EDIL3: variants seen among roughly 807,000 people sequenced by gnomAD.
EDIL3 encodes EGF like and discoidin domains 3, also known as EGF-like repeat and discoidin I-like domain-containing protein 3.
EDIL3 carries 37 observed loss-of-function variants against 67.4 expected under a neutral mutation model. That is an observed-to-expected ratio of 0.55 (90% CI 0.42 to 0.72). The LOEUF is 0.72. Among genes scored for constraint, EDIL3 ranks in the 30% least tolerant of loss-of-function variants. EDIL3 has a pLI of 0.00. For synonymous variants in EDIL3, 195 were observed against 196.3 expected (o/e 0.99, Z 0.05); for missense variants, 527 against 586.3 (o/e 0.90, Z 1.04).
intron 6 of EDIL3, among the ~76,000 whole-genome samples, chr5:84,092,595 T>C (rs2112269116): frequency 6.6e-6 from 1 of 152,280 alleles, no homozygotes; most frequent in East Asian, 1.9e-4. Context: ...TTTACAAGGG[T>C]AAATATTACA....
chr5:83,995,655 A>G (rs1295601976), intron 9 of EDIL3, among the ~76,000 whole-genome samples: 1 of 152,214 alleles, frequency 6.6e-6, no homozygotes, highest in African/African-American at 2.4e-5. Context: ...AGTCATTTTA[A>G]TGGTCAGTGA....
intron 1 of EDIL3, among the ~76,000 whole-genome samples, chr5:84,357,285 C>T (rs1381295598): frequency 6.6e-6 from 1 of 152,012 alleles, no homozygotes; most frequent in Non-Finnish European, 1.5e-5. Flanking sequence ...ATTTCCATTT[C>T]CTTAATTTGT....
intron 5 of EDIL3, among the ~76,000 whole-genome samples, chr5:84,109,512 C>A (rs1747521909): frequency 6.6e-6 from 1 of 151,902 alleles, no homozygotes; most frequent in South Asian, 2.1e-4. Flanking sequence ...TCTCAAAAAA[C>A]AAAACAAAAC....
At chr5:84,204,685 C>T (rs1338354496) in intron 3 of EDIL3, among the ~76,000 whole-genome samples, 1 of 151,646 alleles carries the variant, frequency 6.6e-6, no homozygotes, top group African/African-American at 2.4e-5. Context: ...TGTCAGTATC[C>T]TTCAAAGTCT....
At chr5:84,161,660 G>A (rs1294297478) in intron 4 of EDIL3, among the ~76,000 whole-genome samples, 4 of 151,962 alleles carry the variant, frequency 2.6e-5, no homozygotes, top group African/African-American at 7.3e-5. Flanking sequence ...ACTAAAATAA[G>A]TCTAGTTTTG....
chr5:84,120,780 T>C (rs1473805780), intron 5 of EDIL3, among the ~76,000 whole-genome samples: 1 of 152,002 alleles, frequency 6.6e-6, no homozygotes, highest in Non-Finnish European at 1.5e-5. Context: ...CAGGTCTCTT[T>C]TTCATGAAGA....
Position 84,254,744 on chromosome 5 carries a change from G to A in EDIL3, c.68-532C>T, listed in dbSNP as rs78279565. 4.5e-3 allele frequency among the ~76,000 whole-genome samples: 690 copies of A among 152,268 alleles called. 4 individuals carry two copies. Among genetic ancestry groups the A allele is most frequent in the African/African-American group, 0.015 (638 of 41,560 alleles). On this transcript the variant is annotated intron_variant, in intron 1 of 10. Transcript: ENST00000296591. ...CTTCCTCTCTTGGAGTGCTGAGATC[G>A]TCATGTGAATGAATTCAGGCTAGCT...
At chr5:84,051,903 G>A (rs1171911382) in intron 9 of EDIL3, among the ~76,000 whole-genome samples, 1 of 152,194 alleles carries the variant, frequency 6.6e-6, no homozygotes, top group African/African-American at 2.4e-5. Flanking sequence ...TCATCCAGGA[G>A]AACTTCCCCA....
chr5:84,038,727 T>C (rs193276609), intron 9 of EDIL3, among the ~76,000 whole-genome samples: 4 of 152,168 alleles, frequency 2.6e-5, no homozygotes, highest in Admixed American at 2.6e-4. Flanking sequence ...GGTCTAGGTG[T>C]TTTTTGGAAT....
chr5:83,968,118 T>C (rs1469415033), intron 9 of EDIL3, among the ~76,000 whole-genome samples: 1 of 152,118 alleles, frequency 6.6e-6, no homozygotes, highest in African/African-American at 2.4e-5. Flanking sequence ...CCCAGTTATA[T>C]TTAAGGCACA....
At chr5:84,262,511 C>T (rs564479269) in intron 1 of EDIL3, among the ~76,000 whole-genome samples, 1 of 152,042 alleles carries the variant, frequency 6.6e-6, no homozygotes, top group South Asian at 2.1e-4. Flanking sequence ...TAAATAAGGG[C>T]ACTCACTATG....
chr5:84,199,083 G>C (rs1213238928), intron 3 of EDIL3, among the ~76,000 whole-genome samples: 1 of 151,998 alleles, frequency 6.6e-6, no homozygotes, highest in Non-Finnish European at 1.5e-5. Flanking sequence ...TTTGAAAACA[G>C]TATGAGCCCT....
At chr5:84,313,539 C>T (rs764369010) in intron 1 of EDIL3, among the ~76,000 whole-genome samples, 7 of 152,166 alleles carry the variant, frequency 4.6e-5, no homozygotes, top group African/African-American at 7.2e-5. Flanking sequence ...ATTAAGTCTT[C>T]CTGATATTCC....
chr5:84,262,661 T>TTTTTTG (rs1745253642), intron 1 of EDIL3, among the ~76,000 whole-genome samples: 1 of 40,658 alleles, frequency 2.5e-5, no homozygotes, highest in South Asian at 1.0e-3. Flanking sequence ...GTTGGTTGGT[T>TTTTTTG]TTTTTTTTTT....
At chr5:84,229,943 G>C in intron 2 of EDIL3, 59 bp from the exon 3 acceptor site, 1 of 1,409,356 alleles carries the variant, frequency 7.1e-7, no homozygotes, top group South Asian at 1.3e-5. Flanking sequence ...AGGGAGAAGG[G>C]GGGAGAGAGA....
chr5:84,378,187 T>C (rs1407181970), intron 1 of EDIL3, among the ~76,000 whole-genome samples: 1 of 152,192 alleles, frequency 6.6e-6, no homozygotes, highest in Non-Finnish European at 1.5e-5. Flanking sequence ...TATCTAGCTA[T>C]TTCACCATTA....
At chr5:84,306,731 GC>G (rs1359646831) in intron 1 of EDIL3, among the ~76,000 whole-genome samples, 1 of 152,166 alleles carries the variant, frequency 6.6e-6, no homozygotes, top group East Asian at 1.9e-4. Context: ...TGTAAAGCAT[GC>G]CCCCTGAATA....
chr5:84,153,577 C>T (rs903367374), intron 4 of EDIL3, among the ~76,000 whole-genome samples: 2 of 152,004 alleles, frequency 1.3e-5, no homozygotes, highest in Non-Finnish European at 2.9e-5. Flanking sequence ...ATTCTCCTGT[C>T]TCAGCCTCCT....
intron 3 of EDIL3, among the ~76,000 whole-genome samples, chr5:84,221,567 A>G (rs1744342610): frequency 6.8e-6 from 1 of 146,464 alleles, no homozygotes; most frequent in African/African-American, 2.6e-5. Context: ...AATTTTTAAA[A>G]AAAGGAAACG....
Sources: allele counts gnomAD v4.1 joint callset (sites outside exome capture counted in the v4.1 genomes callset), GRCh38; gene constraint gnomAD v4.1.1; transcripts MANE v1.5; gene names NCBI Gene and HGNC (gene_info 2026-07-23, HGNC 2026-07-21).